Variants in CYTH3 observed in about 807,000 individuals in gnomAD.
The protein encoded by CYTH3 is cytohesin 3, also known as cytohesin-3.
CYTH3 carries 23 observed loss-of-function variants against 55.1 expected under a neutral mutation model. The observed-to-expected ratio is 0.42, with a 90% confidence interval of 0.30 to 0.59. CYTH3 has a LOEUF of 0.59. Ranked by LOEUF, CYTH3 falls within the 20% of genes least tolerant of loss-of-function variation. CYTH3 has a pLI of 0.20. For missense variants in CYTH3, 413 were observed against 524.8 expected, an observed-to-expected ratio of 0.79 and a Z score of 2.08; for synonymous variants, 249 against 194.9, an observed-to-expected ratio of 1.28 and a Z score of -2.31.
chr7:6,248,737 A>G (rs866898544), intron 1 of CYTH3, among the ~76,000 whole-genome samples: 1 of 152,170 alleles, frequency 6.6e-6, no homozygotes, highest in Non-Finnish European at 1.5e-5. Flanking sequence ...ACATCTCCAT[A>G]TGTTCCTCAC....
At chr7:6,271,235 G>C (rs999727515) in intron 1 of CYTH3, among the ~76,000 whole-genome samples, 14 of 152,076 alleles carry the variant, frequency 9.2e-5, no homozygotes, top group African/African-American at 3.4e-4. Context: ...ATGCCATGAC[G>C]GGTGCCAACT....
intron 4 of CYTH3, among the ~76,000 whole-genome samples, chr7:6,185,803 C>CCTGCAA (rs1380908832): frequency 6.6e-6 from 1 of 152,050 alleles, no homozygotes; most frequent in Non-Finnish European, 1.5e-5. Context: ...GTAAATATCA[C>CCTGCAA]CTGCAACTGC....
intron 4 of CYTH3, among the ~76,000 whole-genome samples, chr7:6,184,340 G>T (rs1048227405): frequency 6.6e-6 from 1 of 150,610 alleles, no homozygotes; most frequent in Non-Finnish European, 1.5e-5. Flanking sequence ...GATTACAGGC[G>T]TGAGCCACCG....
intron 1 of CYTH3, among the ~76,000 whole-genome samples, chr7:6,268,428 C>T (rs1044499944): frequency 2.6e-5 from 4 of 152,168 alleles, no homozygotes; most frequent in African/African-American, 9.7e-5. Flanking sequence ...CCTCGGCCTC[C>T]CAAAGTGCTA....
chr7:6,254,333 T>C (rs1780048088), intron 1 of CYTH3, among the ~76,000 whole-genome samples: 1 of 152,368 alleles, frequency 6.6e-6, no homozygotes, highest in South Asian at 2.1e-4. Context: ...ATGTGTACTA[T>C]TTTGGAACAA....
intron 1 of CYTH3, among the ~76,000 whole-genome samples, chr7:6,202,511 G>C (rs1784079297): frequency 6.8e-6 from 1 of 146,946 alleles, no homozygotes; most frequent in Non-Finnish European, 1.5e-5. Flanking sequence ...TGCCCAGGCT[G>C]GAGTGCAGTG....
At chr7:6,212,505 A>G (rs1562390500) in intron 1 of CYTH3, 1 of 152,234 alleles carries the variant, frequency 6.6e-6, no homozygotes, top group Non-Finnish European at 1.5e-5. Flanking sequence ...TCACATAAGT[A>G]GAATCACACA....
At chr7:6,218,902 G>C (rs1424632917) in intron 1 of CYTH3, among the ~76,000 whole-genome samples, 2 of 151,810 alleles carry the variant, frequency 1.3e-5, no homozygotes, top group Non-Finnish European at 2.9e-5. Flanking sequence ...CTACTTGGGA[G>C]GCTGAGGCAG....
chr7:6,195,401 C>A (rs1783900502), intron 1 of CYTH3, among the ~76,000 whole-genome samples: 1 of 152,074 alleles, frequency 6.6e-6, no homozygotes, highest in Admixed American at 6.6e-5. Flanking sequence ...TTTTTAATTT[C>A]CTGCTTCCTG....
At chr7:6,258,559 G>A (rs1319182535) in intron 1 of CYTH3, among the ~76,000 whole-genome samples, 1 of 152,130 alleles carries the variant, frequency 6.6e-6, no homozygotes, top group Admixed American at 6.5e-5. Flanking sequence ...AACAATTCAT[G>A]GTTCTGTGGG....
chr7:6,188,971 G>T (rs755854580), intron 2 of CYTH3: 1 of 152,152 alleles, frequency 6.6e-6, no homozygotes, highest in African/African-American at 2.4e-5. Flanking sequence ...CAAGACACTC[G>T]GACTTAAAAC....
At chr7:6,259,782 ATAATATATATATAT>A (rs1562417657) in intron 1 of CYTH3, among the ~76,000 whole-genome samples, 1,483 of 22,204 alleles carry the variant, frequency 0.067, 51 homozygotes, top group South Asian at 0.082. Context: ...TTATATATAT[ATAATATATATATAT>A]ATATATATAT....
intron 1 of CYTH3, among the ~76,000 whole-genome samples, chr7:6,249,235 G>T (rs1182260564): frequency 6.6e-6 from 1 of 152,120 alleles, no homozygotes; most frequent in Non-Finnish European, 1.5e-5. Context: ...TTCTCTTGGG[G>T]ATGAAAAAGA....
chr7:6,238,368 CA>C (rs1379648947), intron 1 of CYTH3, among the ~76,000 whole-genome samples: 1 of 151,898 alleles, frequency 6.6e-6, no homozygotes, highest in Non-Finnish European at 1.5e-5. Flanking sequence ...CTAAAAAGAA[CA>C]AAAGGACAGA....
At chr7:6,193,804 G>A (rs373600689) in intron 1 of CYTH3, among the ~76,000 whole-genome samples, 2 of 152,126 alleles carry the variant, frequency 1.3e-5, no homozygotes, top group Admixed American at 6.6e-5. Flanking sequence ...CTTCTAACAC[G>A]TTTGAGGGCA....
At chr7:6,237,264 A>G (rs370972607) in intron 1 of CYTH3, among the ~76,000 whole-genome samples, 31 of 152,350 alleles carry the variant, frequency 2.0e-4, no homozygotes, top group East Asian at 1.2e-3. Flanking sequence ...CAGGGAACAC[A>G]GTTGCCTGGG....
chr7:6,172,333 T>C (rs1783222221), intron 6 of CYTH3, among the ~76,000 whole-genome samples: 1 of 151,666 alleles, frequency 6.6e-6, no homozygotes, highest in South Asian at 2.1e-4. Flanking sequence ...GGCCCCTTCT[T>C]CTCCGCCAGG....
chr7:6,206,253 A>AAT (rs1339999729), intron 1 of CYTH3, among the ~76,000 whole-genome samples: 11 of 152,380 alleles, frequency 7.2e-5, no homozygotes, highest in Middle Eastern at 3.4e-3. Context: ...CTATATGTAC[A>AAT]ATGGAATGTG....
At chr7:6,190,667 T>A in intron 1 of CYTH3, 136 bp from the exon 2 acceptor site, 1 of 639,966 alleles carries the variant, frequency 1.6e-6, no homozygotes, top group Non-Finnish European at 2.5e-6. Flanking sequence ...CCATTGAGAC[T>A]GTATCTGAGA....
Sources: gnomAD v4.1 joint callset for allele counts (sites outside exome capture counted in the v4.1 genomes callset) on GRCh38, gnomAD v4.1.1 for gene constraint, MANE v1.5 for transcripts, NCBI Gene and HGNC (gene_info 2026-07-23, HGNC 2026-07-21) for gene names.